Variants in MAGI2 observed in about 807,000 individuals in gnomAD.
The protein encoded by MAGI2 is membrane-associated guanylate kinase, WW and PDZ domain-containing protein 2.
Under a neutral mutation model 133.3 loss-of-function variants are expected in MAGI2, and 35 were observed. The observed-to-expected ratio is 0.26, with a 90% CI of 0.20 to 0.35. The LOEUF is 0.35. MAGI2 is among the 10% of genes least tolerant of loss of function. MAGI2 has a pLI of 1.00. For missense variants in MAGI2, 1,636 were observed against 1,863.4 expected, an observed-to-expected ratio of 0.88 and a Z score of 2.25; for synonymous variants, 729 against 710.6, an observed-to-expected ratio of 1.03 and a Z score of -0.41.
At chr7:78,532,452 C>A (rs1316780939) in intron 3 of MAGI2, among the ~76,000 whole-genome samples, 1 of 152,152 alleles carries the variant, frequency 6.6e-6, no homozygotes, top group African/African-American at 2.4e-5. Flanking sequence ...TTATTCCAAG[C>A]CTTTCATTTG....
chr7:78,812,282 A>C (rs1563534470), intron 2 of MAGI2, among the ~76,000 whole-genome samples: 1 of 152,190 alleles, frequency 6.6e-6, no homozygotes, highest in Non-Finnish European at 1.5e-5. Context: ...GCAGTAAAAA[A>C]CTAATACAGG....
chr7:78,384,175 T>G (rs1245568149), intron 6 of MAGI2, among the ~76,000 whole-genome samples: 1 of 152,176 alleles, frequency 6.6e-6, no homozygotes, highest in African/African-American at 2.4e-5. Flanking sequence ...ATCTGTAGAT[T>G]GGTTTGGACA....
intron 2 of MAGI2, among the ~76,000 whole-genome samples, chr7:78,819,821 T>C (rs919487049): frequency 6.6e-6 from 1 of 152,016 alleles, no homozygotes. Flanking sequence ...GAAGATATTA[T>C]ACAAAAAAAT....
intron 10 of MAGI2, among the ~76,000 whole-genome samples, chr7:78,241,011 G>GA (rs1267278261): frequency 6.6e-6 from 1 of 151,862 alleles, no homozygotes; most frequent in Non-Finnish European, 1.5e-5. Context: ...CTCATCCCTA[G>GA]TATGTATTAC....
chr7:79,196,926 C>T (rs554247334), intron 1 of MAGI2, among the ~76,000 whole-genome samples: 60 of 151,726 alleles, frequency 4.0e-4, no homozygotes, highest in Non-Finnish European at 5.9e-4. Flanking sequence ...CACCACCATG[C>T]CTAGTTAATT....
intron 2 of MAGI2, among the ~76,000 whole-genome samples, chr7:78,712,250 G>A (rs1819266839): frequency 6.6e-6 from 1 of 152,140 alleles, no homozygotes; most frequent in Non-Finnish European, 1.5e-5. Context: ...TCAAGCTGAT[G>A]GAAAGATGAC....
chr7:78,155,143 C>G (rs1237136498), intron 16 of MAGI2, among the ~76,000 whole-genome samples: 4 of 152,144 alleles, frequency 2.6e-5, no homozygotes, highest in Non-Finnish European at 5.9e-5. Flanking sequence ...TTGTTCAAAT[C>G]TTTTTAAGAA....
intron 4 of MAGI2, among the ~76,000 whole-genome samples, chr7:78,508,526 C>T (rs972327640): frequency 6.6e-5 from 10 of 152,122 alleles, no homozygotes; most frequent in East Asian, 5.8e-4. Flanking sequence ...AGAAATTACC[C>T]GTTAAGAACC....
At chr7:78,505,669 CA>C (rs1795019178) in intron 4 of MAGI2, among the ~76,000 whole-genome samples, 1 of 152,162 alleles carries the variant, frequency 6.6e-6, no homozygotes, top group African/African-American at 2.4e-5. Context: ...GAAGAGTGAA[CA>C]AGAGATACAT....
intron 1 of MAGI2, among the ~76,000 whole-genome samples, chr7:79,402,542 T>TCA (rs1302604163): frequency 6.6e-6 from 1 of 152,212 alleles, no homozygotes; most frequent in Non-Finnish European, 1.5e-5. Flanking sequence ...TTATTCAATG[T>TCA]CACACAGCCA....
intron 6 of MAGI2, among the ~76,000 whole-genome samples, chr7:78,420,540 G>T (rs1226788522): frequency 7.8e-6 from 1 of 127,480 alleles, no homozygotes; most frequent in African/African-American, 2.9e-5. Flanking sequence ...ACCTACAATG[G>T]TTGAAATGAG....
intron 1 of MAGI2, among the ~76,000 whole-genome samples, chr7:79,071,600 A>G (rs532293635): frequency 1.3e-5 from 2 of 149,930 alleles, no homozygotes; most frequent in South Asian, 4.2e-4. Flanking sequence ...GGTTTTATCT[A>G]TAAGTCCCTG....
At position 78,119,154 on chromosome 7, in the gene MAGI2, G is replaced by C. The variant is rs542405443; in HGVS notation, c.3567+6540C>G. Among the ~76,000 whole-genome samples, 12 of 152,332 alleles carry C rather than the reference G, an allele frequency of 7.9e-5. No individual in the cohort carries two copies. The East Asian group carries it at 2.3e-3, about 29-fold the overall frequency. The stretch of plus-strand genomic sequence containing the variant: ...AGATCAGTGGTTGCCAGGGGTTAGT[G>C]GGGAGGGAGGAATGAATAGTGGAAC... On this transcript the variant is annotated intron_variant, in intron 20 of 21. Coordinates refer to ENST00000354212, the MANE Select transcript of MAGI2 (RefSeq NM_012301.4).
rs142862737 is a variant in MAGI2, at chr7:78,042,232, G to A, written c.3707-22256C>T. On this transcript the variant is annotated intron_variant, in intron 21 of 21. Transcript: ENST00000354212. ...CATGGGGTCTTTGTTCAGGTGCCCA[G>A]TGGTTGAGGAATATGTTCTTTGGCT... Among the ~76,000 whole-genome samples the A allele has an allele frequency of 1.6e-4, 25 of 152,332 alleles. No homozygotes were observed. The East Asian group carries it at 4.6e-3, about 28-fold the overall frequency.
chr7:78,548,838 T>A (rs1190368140), intron 3 of MAGI2, among the ~76,000 whole-genome samples: 5 of 152,246 alleles, frequency 3.3e-5, no homozygotes, highest in Non-Finnish European at 1.5e-5. Context: ...TTTTCTTTGA[T>A]TTAGATGTTA....
At chr7:78,219,929 A>G (rs997279469) in intron 10 of MAGI2, among the ~76,000 whole-genome samples, 2 of 151,994 alleles carry the variant, frequency 1.3e-5, no homozygotes, top group African/African-American at 4.8e-5. Flanking sequence ...TGCCCAATCC[A>G]TTCTTTCCAT....
intron 7 of MAGI2, among the ~76,000 whole-genome samples, chr7:78,365,755 T>A (rs2058279): frequency 0.57 from 87,341 of 152,008 alleles, 25,582 homozygotes; most frequent in Middle Eastern, 0.66. Context: ...TAGGGTAAAG[T>A]CAGTTATAGT....
chr7:78,776,893 A>G (rs993500), intron 2 of MAGI2, among the ~76,000 whole-genome samples: 151,655 of 152,324 alleles, frequency 1, 75,499 homozygotes, highest in East Asian at 1. Context: ...TTTTGTGAGC[A>G]TAAACTAAAT....
intron 2 of MAGI2, among the ~76,000 whole-genome samples, chr7:78,950,305 A>T (rs1487435891): frequency 6.6e-6 from 1 of 152,134 alleles, no homozygotes; most frequent in Non-Finnish European, 1.5e-5. Flanking sequence ...AAATTTTCTG[A>T]GTGTAGCTCT....
Sources: gnomAD v4.1 joint callset for allele counts (sites outside exome capture counted in the v4.1 genomes callset) on GRCh38, gnomAD v4.1.1 for gene constraint, MANE v1.5 for transcripts, NCBI Gene and HGNC (gene_info 2026-07-23, HGNC 2026-07-21) for gene names.